Variants in GLDN observed in about 807,000 individuals in gnomAD.
GLDN encodes collomin.
Under a neutral mutation model 56.5 loss-of-function variants are expected in GLDN, and 47 were observed. The ratio of observed to expected loss-of-function variants is 0.83; its 90% CI spans 0.66 to 1.06. GLDN has a LOEUF of 1.06. GLDN is among the 50% of genes least tolerant of loss of function. The pLI is 0.00. For missense variants in GLDN, 782 were observed against 714.3 expected (o/e 1.09, Z -1.08); for synonymous variants, 332 against 278.8 (o/e 1.19, Z -1.90).
At chr15:51,364,051 G>A (rs559004819) in intron 1 of GLDN, among the ~76,000 whole-genome samples, 2 of 152,160 alleles carry the variant, frequency 1.3e-5, no homozygotes, top group East Asian at 3.9e-4. Context: ...TTAAACAGTT[G>A]TATGTCATTT....
intron 1 of GLDN, among the ~76,000 whole-genome samples, chr15:51,365,822 CCTCAAGAT>C (rs1566939555): frequency 6.6e-6 from 1 of 152,150 alleles, no homozygotes; most frequent in Non-Finnish European, 1.5e-5. Flanking sequence ...TTCTTTCCTA[CCTCAAGAT>C]CTCAAGATCA....
chr15:51,396,460 A>T (rs114160146), intron 5 of GLDN, among the ~76,000 whole-genome samples: 1 of 152,218 alleles, frequency 6.6e-6, no homozygotes, highest in African/African-American at 2.4e-5. Context: ...CACAAAGACA[A>T]TAGCACAGAG....
At position 51,401,606 on chromosome 15, in the gene GLDN, G is replaced by A; in HGVS notation, c.1041G>A (p.Lys347=). The change falls in exon 9 of 10, where the codon AAG becomes AAA. Residue 347 remains lysine, a synonymous_variant. Transcript: ENST00000335449. ...VTEHFSGIMV[K]EFKDQPSLLN... is the part of the protein sequence containing the mutation. ...TCCCTCCTACAGGCATCATGGTTAA[G>A]GAATTCAAGGATCAGCCCTCACTTC... 6.2e-7 allele frequency: 1 copy of A among 1,613,658 alleles called. No homozygotes were observed. The highest frequency in any genetic ancestry group is 8.5e-7 in the Non-Finnish European group (1 of 1,179,720).
At chr15:51,383,360 G>A in intron 2 of GLDN, 76 bp from the exon 3 acceptor site, 2 of 1,472,872 alleles carry the variant, frequency 1.4e-6, no homozygotes, top group Non-Finnish European at 1.9e-6. Flanking sequence ...ATAATTAGGA[G>A]ATTTGAAGGT....
At chr15:51,346,365 G>C (rs1214470110) in intron 1 of GLDN, among the ~76,000 whole-genome samples, 1 of 152,144 alleles carries the variant, frequency 6.6e-6, no homozygotes, top group Non-Finnish European at 1.5e-5. Flanking sequence ...GGAAAGTTCC[G>C]AAATAATCTT....
At chr15:51,377,736 G>A (rs1051817496) in intron 2 of GLDN, among the ~76,000 whole-genome samples, 21 of 152,140 alleles carry the variant, frequency 1.4e-4, no homozygotes, top group East Asian at 3.8e-4. Flanking sequence ...AATTAGAAAC[G>A]TGTGGTACCT....
chr15:51,341,843 G>A lies in GLDN; in HGVS notation c.159G>A (p.Ala53=). The A allele has an allele frequency of 3.3e-6, 5 of 1,521,250 alleles. No homozygotes were observed. The highest frequency in any genetic ancestry group is 2.6e-5 in the East Asian group (1 of 38,574). 94.2% of individuals were successfully genotyped at this position (1,521,250 alleles called of 1,614,324 possible). ...GLSSALRALE[A]QRGREQREDS... The stretch of plus-strand genomic sequence containing the variant: ...GCTCGGCGCTGCGGGCTTTGGAGGC[G>A]CAGCGGGGCCGGGAGCAGCGCGAGG... Residue 53 remains alanine, a synonymous_variant, in exon 1 of 10, where the codon GCG becomes GCA. Transcript: ENST00000335449.
intron 1 of GLDN, among the ~76,000 whole-genome samples, chr15:51,352,929 T>C (rs1271962570): frequency 1.5e-5 from 2 of 134,736 alleles, no homozygotes; most frequent in Admixed American, 7.1e-5. Flanking sequence ...GCACAGCACC[T>C]TTGTAAAACA....
chr15:51,393,723 C>G lies in GLDN; in HGVS notation c.542-1112C>G, dbSNP rs774485040. On this transcript the variant is annotated intron_variant, in intron 4 of 9. Transcript: ENST00000335449. ...GCTATTTGAGATCCTTCTCCCTGTG[C>G]CACTGGGAACTACCTCCCAGCAGTG... Among the ~76,000 whole-genome samples, 18 of 152,210 alleles carry G rather than the reference C, an allele frequency of 1.2e-4. 1 individual carries two copies. Among genetic ancestry groups the G allele is most frequent in the Admixed American group, 2.6e-4 (4 of 15,286 alleles).
At chr15:51,378,148 G>C (rs539677424) in intron 2 of GLDN, among the ~76,000 whole-genome samples, 1 of 152,312 alleles carries the variant, frequency 6.6e-6, no homozygotes, top group East Asian at 1.9e-4. Context: ...AGTTTGCTGA[G>C]TGAATAAACC....
intron 4 of GLDN, among the ~76,000 whole-genome samples, chr15:51,390,728 C>G (rs1169851715): frequency 6.6e-6 from 1 of 152,198 alleles, no homozygotes; most frequent in African/African-American, 2.4e-5. Context: ...TATCACACAA[C>G]TCCAAACTCA....
At chr15:51,377,049 CAT>C (rs530618373) in intron 1 of GLDN, among the ~76,000 whole-genome samples, 17 of 152,280 alleles carry the variant, frequency 1.1e-4, no homozygotes, top group African/African-American at 4.1e-4. Context: ...AAAAGGATAA[CAT>C]AGTAAATGCA....
At chr15:51,363,933 C>G (rs2037352230) in intron 1 of GLDN, among the ~76,000 whole-genome samples, 1 of 152,166 alleles carries the variant, frequency 6.6e-6, no homozygotes, top group Non-Finnish European at 1.5e-5. Flanking sequence ...TTCTCACTTG[C>G]ATTGTCTCCA....
intron 1 of GLDN, among the ~76,000 whole-genome samples, chr15:51,372,799 T>C (rs931940274): frequency 2.6e-5 from 4 of 152,176 alleles, no homozygotes; most frequent in African/African-American, 9.7e-5. Flanking sequence ...CCTTAGTCTC[T>C]TTTGTGCTGC....
chr15:51,355,935 T>A lies in GLDN; in HGVS notation c.363+13888T>A, dbSNP rs140927121. On this transcript the variant is annotated intron_variant, in intron 1 of 9. Coordinates refer to ENST00000335449, the MANE Select transcript of GLDN (RefSeq NM_181789.4). ...TAGAATACCTAACCTCAGCCGGGTGTGGTGGCTCACGCCTGTAATCCCAAC... is the reference window on the plus strand; with the variant it reads ...TAGAATACCTAACCTCAGCCGGGTGAGGTGGCTCACGCCTGTAATCCCAAC... 2.1e-4 allele frequency among the ~76,000 whole-genome samples: 31 copies of A among 145,870 alleles called. No individual in the cohort carries two copies. In the South Asian group the frequency reaches 5.1e-3, roughly 24 times the overall value.
chr15:51,355,407 T>C (rs1056322362), intron 1 of GLDN, among the ~76,000 whole-genome samples: 5 of 152,148 alleles, frequency 3.3e-5, no homozygotes, highest in African/African-American at 1.2e-4. Context: ...TCTTTTAGCA[T>C]GCTAATGCAT....
intron 1 of GLDN, among the ~76,000 whole-genome samples, chr15:51,367,873 G>A (rs2037437775): frequency 6.6e-6 from 1 of 152,128 alleles, no homozygotes; most frequent in African/African-American, 2.4e-5. Flanking sequence ...TACAGACCAG[G>A]CCACATCAAT....
intron 2 of GLDN, among the ~76,000 whole-genome samples, chr15:51,381,702 A>G (rs142467893): frequency 2.0e-5 from 3 of 151,704 alleles, no homozygotes; most frequent in African/African-American, 4.8e-5. Context: ...TTTCTCTACA[A>G]TTCTACAGTC....
At chr15:51,410,422 C>G (rs1166716319), downstream of GLDN, among the ~76,000 whole-genome samples, 1 of 152,144 alleles carries the variant, frequency 6.6e-6, no homozygotes, top group African/African-American at 2.4e-5. Context: ...AATGACTGAT[C>G]GGTGTGAGAG....
Sources: gnomAD v4.1 joint callset for allele counts (sites outside exome capture counted in the v4.1 genomes callset) on GRCh38, gnomAD v4.1.1 for gene constraint, MANE v1.5 for transcripts, NCBI Gene and HGNC (gene_info 2026-07-23, HGNC 2026-07-21) for gene names.